The following NSD1 variants were observed in gnomAD, a reference collection of about 807,000 sequenced individuals.
NSD1 encodes the protein histone-lysine N-methyltransferase, H3 lysine-36 specific.
A neutral mutation model predicts 242.7 loss-of-function variants in NSD1; 26 were observed. The observed-to-expected ratio is 0.11, with a 90% CI of 0.08 to 0.15. The LOEUF (loss-of-function observed/expected upper bound fraction) is 0.15, where lower values mean the gene tolerates loss of function less well. NSD1 is among the 10% of genes least tolerant of loss of function. NSD1 has a pLI of 1.00. For synonymous variants in NSD1, 1,106 were observed against 1,178.1 expected (o/e 0.94, Z 1.25); for missense variants, 2,495 against 3,272.8 (o/e 0.76, Z 5.80).
Position 177,293,964 on chromosome 5 carries a change from G to A in NSD1, c.6596G>A (p.Arg2199His), listed in dbSNP as rs932837462. 3 of 1,614,078 alleles carry A rather than the reference G, an allele frequency of 1.9e-6. No individual in the cohort carries two copies. Among genetic ancestry groups the A allele is most frequent in the East Asian group, 2.2e-5 (1 of 44,864 alleles). Residue 2199 changes from arginine (R) to histidine (H), a missense_variant, in exon 23 of 23, where the codon CGT (arginine) becomes CAT (histidine). Physicochemically the swap from Arg to His is conservative, Grantham distance 29. Around this residue, in one of 19 missense-constraint regions of NSD1, gnomAD observed 33 missense variants for 134.8 expected, o/e 0.24. Transcript: ENST00000439151. ...GMLFISKLDG[R>H]LSCTEHDPCG... ...CTTTTCATTTCCAAACTGGATGGGC[G>A]TCTGTCTTGTACTGAGCATGACCCC... is the stretch of plus-strand genomic sequence containing the variant.
At chr5:177,180,447 G>T (rs973817163) in intron 2 of NSD1, among the ~76,000 whole-genome samples, 3 of 151,838 alleles carry the variant, frequency 2.0e-5, no homozygotes, top group Non-Finnish European at 4.4e-5. Flanking sequence ...GTATCTCGAG[G>T]GTCTTGCTAT....
intron 2 of NSD1, among the ~76,000 whole-genome samples, chr5:177,151,078 A>G (rs1303878722): frequency 6.6e-6 from 1 of 152,216 alleles, no homozygotes; most frequent in East Asian, 1.9e-4. Flanking sequence ...ATCGTGTCAC[A>G]ATATATTAAG....
chr5:177,257,832 A>ATTTTT (rs758994929), intron 13 of NSD1, among the ~76,000 whole-genome samples: 1 of 146,890 alleles, frequency 6.8e-6, no homozygotes, highest in African/African-American at 2.5e-5. Flanking sequence ...ATTTTATTTT[A>ATTTTT]TTTTATTTTA....
At chr5:177,264,126 C>T (rs1357713836) in intron 14 of NSD1, among the ~76,000 whole-genome samples, 2 of 147,578 alleles carry the variant, frequency 1.4e-5, no homozygotes, top group Admixed American at 1.4e-4. Flanking sequence ...ACCCCCACCT[C>T]CCGGGTTCAA....
rs1760363596 is a variant in NSD1 at position 177,298,047 on chromosome 5, T to C, written c.*2588T>C. On this transcript the variant is annotated 3_prime_UTR_variant, in exon 23 of 23. Coordinates refer to ENST00000439151, the MANE Select transcript of NSD1 (RefSeq NM_022455.5). ...GCCCACCAGTAGCAGCATGTGATACTAGATGGTTAAAATCATGAAAGCAGT... is the reference window on the plus strand; with the variant it reads ...GCCCACCAGTAGCAGCATGTGATACCAGATGGTTAAAATCATGAAAGCAGT... 1 of 232,698 alleles carries C rather than the reference T, an allele frequency of 4.3e-6. No individual in the cohort carries two copies. Among genetic ancestry groups the C allele is most frequent in the East Asian group, 6.0e-5 (1 of 16,574 alleles). The allele number at this position is 232,698 out of a possible 1,614,324, so 14.4% of individuals were successfully genotyped here.
rs745582394 is a variant in NSD1 at position 177,273,744 on chromosome 5, G to A, written c.5582G>A (p.Arg1861Gln). The change falls in exon 17 of 23, where the codon CGA becomes CAA. Residue 1861 changes from arginine to glutamine, a missense_variant. Around this residue, in one of 19 missense-constraint regions of NSD1, gnomAD observed 114 missense variants for 247.4 expected, o/e 0.46. Transcript: ENST00000439151. ...QKELRQLQED[R>Q]KNDKKPPPYK... ...GAGCTAAGACAGCTGCAGGAAGACC[G>A]AAAGAATGACAAGAAGCCACCACCT... 14 of 1,613,702 alleles carry A rather than the reference G, an allele frequency of 8.7e-6. No individual in the cohort carries two copies. The highest frequency in any genetic ancestry group is 1.1e-5 in the Non-Finnish European group (13 of 1,179,774).
chr5:177,227,461 T>A (rs2149873315), intron 5 of NSD1, among the ~76,000 whole-genome samples: 1 of 152,254 alleles, frequency 6.6e-6, no homozygotes, highest in East Asian at 1.9e-4. Context: ...AATATTATTA[T>A]TATTATTTTT....
In NSD1 at chr5:177,239,820, C is replaced by A. The variant is rs992620094; in HGVS notation, c.4257C>A (p.Asp1419Glu). Residue 1419 changes from aspartate (D) to glutamate (E), a missense_variant, in exon 8 of 23, where the codon GAC becomes GAA. Asp to Glu is a conservative substitution (Grantham distance 45). Transcript: ENST00000439151. ...TKKLLESNDLDPGFMPKKGDL... is the reference protein window; with the variant it reads ...TKKLLESNDLEPGFMPKKGDL... ...AACTTCTTGAATCCAATGATTTAGA[C>A]CCTGGATTTATGCCCAAGAAGGGGG... The A allele has an allele frequency of 9.3e-6, 15 of 1,613,016 alleles. No individual in the cohort carries two copies. The Admixed American group carries it at 2.0e-4, about 22-fold the overall frequency.
chr5:177,141,952 G>A (rs914157496), intron 2 of NSD1, among the ~76,000 whole-genome samples: 5 of 152,072 alleles, frequency 3.3e-5, no homozygotes, highest in African/African-American at 9.7e-5. Flanking sequence ...TCCTGCCTCA[G>A]CCTCCTAAGT....
chr5:177,179,946 G>T (rs1362893923), intron 2 of NSD1, among the ~76,000 whole-genome samples: 1 of 151,934 alleles, frequency 6.6e-6, no homozygotes, highest in Non-Finnish European at 1.5e-5. Flanking sequence ...TGTCGCTCAG[G>T]CTGGGGTGCA....
At chr5:177,291,710 C>G (rs1459061264) in intron 21 of NSD1, among the ~76,000 whole-genome samples, 3 of 152,110 alleles carry the variant, frequency 2.0e-5, no homozygotes, top group African/African-American at 4.8e-5. Flanking sequence ...CATTTAACAC[C>G]AGCCTTATGG....
At position 177,280,609 on chromosome 5, in the gene NSD1, A is replaced by G. The variant is rs1212568460; in HGVS notation, c.5667A>G (p.Leu1889=). The G allele has an allele frequency of 6.2e-7, 1 of 1,614,050 alleles. No individual in the cohort carries two copies. Among genetic ancestry groups the G allele is most frequent in the Non-Finnish European group, 8.5e-7 (1 of 1,180,050 alleles). ...GGGTACAGATCTTCACTGCAGACTT[A>G]TCTGAAATACCCCGTTGCAACTGTA... The part of the protein sequence containing the change: ...IGRVQIFTAD[L]SEIPRCNCKA... Residue 1889 remains leucine (L), a synonymous_variant, in exon 18 of 23, where the codon TTA becomes TTG. Coordinates refer to ENST00000439151, the MANE Select transcript of NSD1 (RefSeq NM_022455.5).
intron 14 of NSD1, chr5:177,265,821 C>G (rs981858900): frequency 5.7e-6 from 8 of 1,397,858 alleles, no homozygotes; most frequent in Non-Finnish European, 1.0e-6. Flanking sequence ...TGCGTAAACT[C>G]GATGTTGAAG....
intron 4 of NSD1, among the ~76,000 whole-genome samples, chr5:177,204,777 GT>G (rs201136477): frequency 1.3e-5 from 2 of 151,008 alleles, no homozygotes; most frequent in African/African-American, 4.9e-5. Context: ...ATGCAGGTGG[GT>G]TTTTTTTGTT....
chr5:177,220,491 T>C (rs954970737), intron 5 of NSD1, among the ~76,000 whole-genome samples: 2 of 151,954 alleles, frequency 1.3e-5, no homozygotes, highest in Admixed American at 6.6e-5. Flanking sequence ...AATTGTATAA[T>C]GGTTTTCATT....
chr5:177,282,629 G>A lies in NSD1; in HGVS notation c.6009+48G>A, dbSNP rs201314298. ...TTCACTGTTACAAGATTGTAAATTT[G>A]TGTTGTCCCAGCCATAGTATTTGTA... On this transcript the variant is annotated intron_variant, in intron 19 of 22. Transcript: ENST00000439151. 3 of 1,335,598 alleles carry A rather than the reference G, an allele frequency of 2.2e-6. No homozygotes were observed. The East Asian group carries it at 6.9e-5, about 31-fold the overall frequency. 82.7% of individuals were successfully genotyped at this position (1,335,598 alleles called of 1,614,324 possible).
At chr5:177,271,376 T>C (rs919062364) in intron 16 of NSD1, among the ~76,000 whole-genome samples, 1 of 152,194 alleles carries the variant, frequency 6.6e-6, no homozygotes, top group African/African-American at 2.4e-5. Context: ...GTGTTTATTT[T>C]CTGCTTTAAG....
intron 2 of NSD1, among the ~76,000 whole-genome samples, chr5:177,152,975 C>T (rs1273599929): frequency 3.3e-5 from 5 of 152,024 alleles, no homozygotes; most frequent in Admixed American, 2.0e-4. Flanking sequence ...TGTGAGCCAC[C>T]GTGCCCTTCC....
chr5:177,230,919 A>G (rs905296610), intron 5 of NSD1, among the ~76,000 whole-genome samples: 2 of 152,016 alleles, frequency 1.3e-5, no homozygotes, highest in Non-Finnish European at 2.9e-5. Context: ...TTGAGATCCA[A>G]TTTGTGTGAG....
Sources: allele counts gnomAD v4.1 joint callset (sites outside exome capture counted in the v4.1 genomes callset), GRCh38; gene constraint gnomAD v4.1.1; regional missense constraint gnomAD v4.1.1; transcripts MANE v1.5; gene names NCBI Gene and HGNC (gene_info 2026-07-23, HGNC 2026-07-21).